Variants in GHR observed in about 807,000 individuals in gnomAD.
The protein encoded by GHR is growth hormone receptor.
Under a neutral mutation model 67.1 loss-of-function variants are expected in GHR, and 35 were observed. The ratio of observed to expected loss-of-function variants is 0.52; its 90% confidence interval spans 0.40 to 0.69. GHR has a LOEUF of 0.69. GHR is among the 30% of genes least tolerant of loss of function. The probability of loss-of-function intolerance (pLI) is 0.00; values close to 1 mark genes in which losing one functional copy is unlikely to be tolerated. For missense variants in GHR, 792 were observed against 764.6 expected (o/e 1.04, Z -0.42); for synonymous variants, 272 against 269.1 (o/e 1.01, Z -0.10).
At chr5:42,535,414 G>A (rs1057253720) in intron 1 of GHR, among the ~76,000 whole-genome samples, 2 of 151,980 alleles carry the variant, frequency 1.3e-5, no homozygotes, top group African/African-American at 4.8e-5. Context: ...TTGAAAAGGT[G>A]TCCTTTCCCC....
chr5:42,520,160 A>G (rs1370344480), intron 1 of GHR, among the ~76,000 whole-genome samples: 1 of 152,188 alleles, frequency 6.6e-6, no homozygotes, highest in East Asian at 1.9e-4. Context: ...AGCGTCCATG[A>G]TGTGCCTGGC....
At chr5:42,496,053 G>T (rs1420359488) in intron 1 of GHR, among the ~76,000 whole-genome samples, 1 of 152,174 alleles carries the variant, frequency 6.6e-6, no homozygotes, top group Admixed American at 6.5e-5. Context: ...GCCTGGCTGT[G>T]ATTTAGCCCT....
intron 8 of GHR, chr5:42,713,750 A>ATC: frequency 2.2e-6 from 1 of 453,970 alleles, no homozygotes; most frequent in Non-Finnish European, 4.0e-6. Context: ...TGTACAGGAC[A>ATC]TTAAGAGGCT....
intron 1 of GHR, among the ~76,000 whole-genome samples, chr5:42,490,353 G>A (rs955483920): frequency 1.3e-5 from 2 of 152,234 alleles, no homozygotes; most frequent in Non-Finnish European, 2.9e-5. Context: ...CCCTGGCATA[G>A]AAATCTGAGC....
In GHR at chr5:42,423,812, A is replaced by AGTGGCG. The variant is rs1403931934; in HGVS notation, c.-147_-142dup. The AGTGGCG allele has an allele frequency of 6.1e-6, 1 of 164,206 alleles. No homozygotes were observed. Among genetic ancestry groups the AGTGGCG allele is most frequent in the Non-Finnish European group, 1.3e-5 (1 of 77,936 alleles). 10.2% of individuals were successfully genotyped at this position (164,206 alleles called of 1,614,324 possible). On this transcript the variant is annotated 5_prime_UTR_variant, in exon 1 of 10. Transcript: ENST00000230882. ...CGGCAGCGGCAGCAGCAGCTGCTAC[A>AGTGGCG]GTGGCGGTGGCGGCGGCGGCTGCTG...
chr5:42,556,840 G>C (rs1749336045), intron 1 of GHR, among the ~76,000 whole-genome samples: 1 of 152,188 alleles, frequency 6.6e-6, no homozygotes, highest in Non-Finnish European at 1.5e-5. Context: ...ACTCTGAATA[G>C]AATAACGGTG....
intron 6 of GHR, among the ~76,000 whole-genome samples, chr5:42,704,536 TGG>T (rs1758081969): frequency 6.6e-6 from 1 of 151,956 alleles, no homozygotes; most frequent in Admixed American, 6.6e-5. Context: ...TGTCCTTTCA[TGG>T]TTTGGGTATA....
chr5:42,459,863 C>A (rs1338055139), intron 1 of GHR, among the ~76,000 whole-genome samples: 1 of 152,114 alleles, frequency 6.6e-6, no homozygotes, highest in Non-Finnish European at 1.5e-5. Context: ...GAGAATTGGA[C>A]CCAGCCTGGG....
At chr5:42,535,928 G>A (rs1748236927) in intron 1 of GHR, among the ~76,000 whole-genome samples, 1 of 152,010 alleles carries the variant, frequency 6.6e-6, no homozygotes, top group South Asian at 2.1e-4. Context: ...GGCAGCAATT[G>A]TAAAAGGGGT....
At chr5:42,480,797 G>C in intron 1 of GHR, among the ~76,000 whole-genome samples, 1 of 152,224 alleles carries the variant, frequency 6.6e-6, no homozygotes, top group South Asian at 2.1e-4. Flanking sequence ...ATGTGAGATG[G>C]GTTTCCTTAA....
chr5:42,698,119 G>A (rs1014267988), intron 5 of GHR, among the ~76,000 whole-genome samples: 6 of 152,114 alleles, frequency 3.9e-5, no homozygotes, highest in Non-Finnish European at 8.8e-5. Flanking sequence ...AAGAGCAAGG[G>A]TTTGTTTGGG....
intron 1 of GHR, among the ~76,000 whole-genome samples, chr5:42,452,412 C>A (rs1052304734): frequency 3.9e-5 from 6 of 152,128 alleles, no homozygotes; most frequent in Admixed American, 6.5e-5. Context: ...TCCAGGAGTT[C>A]TTTGAGCTTC....
chr5:42,468,715 C>T (rs1744854939), intron 1 of GHR: 2 of 984,248 alleles, frequency 2.0e-6, no homozygotes, highest in Admixed American at 1.8e-5. Context: ...TGAGCTGCCG[C>T]TCTTGGCCCC....
rs377699543 is a variant in GHR at position 42,719,016 on chromosome 5, G to C, written c.1509G>C (p.Pro503=). ...CAGCAGGTAGTGTGGTCCTTTCCCC[G>C]GGCCAAAAGAATAAGGCAGGGATGT... is the stretch of plus-strand genomic sequence containing the variant. ...ITPAGSVVLS[P]GQKNKAGMSQ... is the part of the protein sequence containing the mutation. Residue 503 remains proline, a synonymous_variant, in exon 10 of 10, where the codon CCG becomes CCC. Transcript: ENST00000230882. 11 of 1,606,208 alleles carry C rather than the reference G, an allele frequency of 6.8e-6. No individual in the cohort carries two copies. In the African/African-American group the frequency reaches 9.4e-5, roughly 14 times the overall value.
At chr5:42,526,013 A>G (rs1314114181) in intron 1 of GHR, among the ~76,000 whole-genome samples, 1 of 152,190 alleles carries the variant, frequency 6.6e-6, no homozygotes, top group Non-Finnish European at 1.5e-5. Flanking sequence ...GGGAAAGGAA[A>G]AGTCACATGT....
At chr5:42,446,374 A>G (rs986593565) in intron 1 of GHR, among the ~76,000 whole-genome samples, 1 of 152,374 alleles carries the variant, frequency 6.6e-6, no homozygotes, top group African/African-American at 2.4e-5. Context: ...CCGTGGGGAT[A>G]TACCAGAGGA....
chr5:42,430,834 A>T (rs1011973878), intron 1 of GHR, among the ~76,000 whole-genome samples: 1 of 152,148 alleles, frequency 6.6e-6, no homozygotes, highest in Non-Finnish European at 1.5e-5. Flanking sequence ...ACCCATTGGC[A>T]AGTACTTGGA....
At chr5:42,582,043 GC>G (rs1751201568) in intron 2 of GHR, among the ~76,000 whole-genome samples, 1 of 152,340 alleles carries the variant, frequency 6.6e-6, no homozygotes, top group Admixed American at 6.5e-5. Context: ...TGACACACCA[GC>G]CCCCTGGCAC....
intron 1 of GHR, among the ~76,000 whole-genome samples, chr5:42,516,501 G>C (rs990891601): frequency 2.0e-5 from 3 of 152,102 alleles, no homozygotes; most frequent in African/African-American, 7.2e-5. Context: ...TGATTGCTGA[G>C]CTGCTTCTTA....
Sources: gnomAD v4.1 joint callset for allele counts (sites outside exome capture counted in the v4.1 genomes callset) on GRCh38, gnomAD v4.1.1 for gene constraint, MANE v1.5 for transcripts, NCBI Gene and HGNC (gene_info 2026-07-23, HGNC 2026-07-21) for gene names.